SNTG1: variants seen among roughly 807,000 people sequenced by gnomAD.
The protein encoded by SNTG1 is gamma-1-syntrophin.
SNTG1 carries 39 observed loss-of-function variants against 74.7 expected under a neutral mutation model. That is an observed-to-expected ratio of 0.52 (90% CI 0.40 to 0.68). The LOEUF is 0.68. Ranked by LOEUF, SNTG1 falls within the 30% of genes least tolerant of loss-of-function variation. The probability of loss-of-function intolerance (pLI) is 0.00; values close to 1 mark genes in which losing one functional copy is unlikely to be tolerated. For synonymous variants in SNTG1, 254 were observed against 217.1 expected (o/e 1.17, Z -1.49); for missense variants, 685 against 609.5 (o/e 1.12, Z -1.30).
At chr8:50,549,464 CATT>C (rs2094410631) in intron 11 of SNTG1, among the ~76,000 whole-genome samples, 2 of 152,152 alleles carry the variant, frequency 1.3e-5, no homozygotes, top group South Asian at 4.1e-4. Flanking sequence ...TGATTTTTCT[CATT>C]GTTCATTTTG....
At chr8:50,052,858 T>C (rs768723854) in intron 1 of SNTG1, among the ~76,000 whole-genome samples, 17 of 152,130 alleles carry the variant, frequency 1.1e-4, no homozygotes, top group Non-Finnish European at 2.4e-4. Context: ...CAAAACCACA[T>C]TGAGCTATCA....
At chr8:50,614,506 T>C (rs2094873269) in intron 13 of SNTG1, among the ~76,000 whole-genome samples, 1 of 152,080 alleles carries the variant, frequency 6.6e-6, no homozygotes, top group South Asian at 2.1e-4. Context: ...GTAGATTTAA[T>C]TGGAGTATGT....
Position 50,666,817 on chromosome 8 carries a change from A to C in SNTG1, c.1038+8154A>C, listed in dbSNP as rs377610915. 5.9e-5 allele frequency among the ~76,000 whole-genome samples: 9 copies of C among 152,188 alleles called. No homozygotes were observed. In the South Asian group the frequency reaches 1.7e-3, roughly 28 times the overall value. On this transcript the variant is annotated intron_variant, in intron 15 of 18. Transcript: ENST00000642720. ...AACAAAGGCATAAATAGAAAAAATA[A>C]CTTTTTAAAATTAAAATAATGGAAT... is the stretch of plus-strand genomic sequence containing the variant.
At chr8:50,767,279 T>C (rs931010534) in intron 18 of SNTG1, among the ~76,000 whole-genome samples, 14 of 151,990 alleles carry the variant, frequency 9.2e-5, no homozygotes, top group African/African-American at 3.1e-4. Flanking sequence ...ATTACAACAT[T>C]AAACATTCCA....
At chr8:50,228,109 G>A (rs1238284853) in intron 2 of SNTG1, among the ~76,000 whole-genome samples, 1 of 151,526 alleles carries the variant, frequency 6.6e-6, no homozygotes, top group Non-Finnish European at 1.5e-5. Context: ...TGAAAGAAGA[G>A]TGATAGAAAC....
At chr8:50,215,428 T>C (rs969794220) in intron 2 of SNTG1, among the ~76,000 whole-genome samples, 27 of 147,244 alleles carry the variant, frequency 1.8e-4, no homozygotes, top group African/African-American at 5.4e-4. Flanking sequence ...ATATATTTTA[T>C]ATATATAGTC....
At position 50,071,096 on chromosome 8, in the gene SNTG1, A is replaced by G. The variant is rs921958637; in HGVS notation, c.-102-101465A>G. Among the ~76,000 whole-genome samples, 3 of 152,224 alleles carry G rather than the reference A, an allele frequency of 2.0e-5. No homozygotes were observed. The South Asian group carries it at 6.2e-4, about 31-fold the overall frequency. On this transcript the variant is annotated intron_variant, in intron 1 of 18. Transcript: ENST00000642720. ...TATTTACTCTGCACTCTGTTGGCCA[A>G]GGTGGTCACAGAGATTGGTCAGATT... is the stretch of plus-strand genomic sequence containing the variant.
intron 2 of SNTG1, among the ~76,000 whole-genome samples, chr8:50,329,868 C>T (rs561680950): frequency 1.3e-5 from 2 of 152,160 alleles, no homozygotes; most frequent in East Asian, 3.9e-4. Context: ...TTATGCTCTG[C>T]TTCCTTTTTA....
chr8:50,280,535 G>C (rs529780284), intron 2 of SNTG1, among the ~76,000 whole-genome samples: 2 of 152,290 alleles, frequency 1.3e-5, no homozygotes, highest in Non-Finnish European at 2.9e-5. Flanking sequence ...GGTTTTGTAT[G>C]TTTTAGGGAG....
chr8:50,604,972 C>T (rs754904364), intron 13 of SNTG1, among the ~76,000 whole-genome samples: 1 of 152,090 alleles, frequency 6.6e-6, no homozygotes, highest in Non-Finnish European at 1.5e-5. Context: ...TGAATTGTCC[C>T]CAGACTGGGT....
chr8:50,780,509 C>T (rs1165007558), intron 18 of SNTG1, among the ~76,000 whole-genome samples: 2 of 152,150 alleles, frequency 1.3e-5, no homozygotes, highest in South Asian at 2.1e-4. Flanking sequence ...TTGTAGTATT[C>T]TCTGATGGTA....
chr8:50,279,964 T>G (rs11987370), intron 2 of SNTG1, among the ~76,000 whole-genome samples: 10,768 of 152,304 alleles, frequency 0.071, 421 homozygotes, highest in African/African-American at 0.086. Flanking sequence ...TACAAATGGA[T>G]ATTTCCTTAT....
chr8:50,115,476 A>T (rs1269049757), intron 1 of SNTG1, among the ~76,000 whole-genome samples: 1 of 149,656 alleles, frequency 6.7e-6, no homozygotes, highest in Admixed American at 6.7e-5. Flanking sequence ...TAGGTGGGAG[A>T]ATTGCTGGAG....
At chr8:50,707,542 G>C (rs1050439094) in intron 16 of SNTG1, among the ~76,000 whole-genome samples, 1 of 152,020 alleles carries the variant, frequency 6.6e-6, no homozygotes, top group African/African-American at 2.4e-5. Flanking sequence ...ACACATGAAT[G>C]TAATTTTTGG....
intron 9 of SNTG1, among the ~76,000 whole-genome samples, chr8:50,524,048 T>C (rs1333118234): frequency 1.3e-5 from 2 of 152,158 alleles, no homozygotes; most frequent in Non-Finnish European, 2.9e-5. Flanking sequence ...AGTGCCCCTC[T>C]TTTCCTCTTT....
chr8:50,227,983 C>T (rs1224087869), intron 2 of SNTG1, among the ~76,000 whole-genome samples: 1 of 142,608 alleles, frequency 7.0e-6, no homozygotes, highest in Admixed American at 6.9e-5. Context: ...AGAGACAAAT[C>T]AAAAATTAAA....
At chr8:50,463,466 G>A (rs185617249) in intron 8 of SNTG1, among the ~76,000 whole-genome samples, 52 of 152,236 alleles carry the variant, frequency 3.4e-4, no homozygotes, top group African/African-American at 1.1e-3. Flanking sequence ...GTGTTAGGAA[G>A]CATGAAAACA....
chr8:50,225,292 T>C (rs2085273169), intron 2 of SNTG1, among the ~76,000 whole-genome samples: 1 of 152,212 alleles, frequency 6.6e-6, no homozygotes, highest in Admixed American at 6.5e-5. Flanking sequence ...TGAAGCAGGC[T>C]ACCTGGAGGC....
rs16914713 is a variant in SNTG1 at position 50,336,525 on chromosome 8, A to G, written c.-27-57687A>G. ...CTTTTTTTTCCTTATATTTTTAACA[A>G]AAACCTATTTATTTACATGCTGCAT... On this transcript the variant is annotated intron_variant, in intron 2 of 18. Transcript: ENST00000642720. Among the ~76,000 whole-genome samples the G allele has an allele frequency of 1.7e-3, 263 of 150,502 alleles. 2 individuals carry two copies. Among genetic ancestry groups the G allele is most frequent in the African/African-American group, 6.1e-3 (253 of 41,414 alleles).
Sources: allele counts gnomAD v4.1 joint callset (sites outside exome capture counted in the v4.1 genomes callset), GRCh38; gene constraint gnomAD v4.1.1; transcripts MANE v1.5; gene names NCBI Gene and HGNC (gene_info 2026-07-23, HGNC 2026-07-21).